Variants in PSMD11 observed in about 807,000 individuals in gnomAD.
PSMD11 encodes the protein proteasome 26S subunit, non-ATPase 11.
PSMD11 carries 5 observed loss-of-function variants against 62.3 expected under a neutral mutation model. The ratio of observed to expected loss-of-function variants is 0.08; its 90% confidence interval spans 0.04 to 0.17. The LOEUF is 0.17. PSMD11 is among the 10% of genes least tolerant of loss of function. PSMD11 has a pLI of 1.00. For synonymous variants in PSMD11, 191 were observed against 191.8 expected (o/e 1.00, Z 0.03); for missense variants, 310 against 512.9 (o/e 0.60, Z 3.82).
chr17:32,451,844 T>G (rs1410153619), intron 2 of PSMD11, among the ~76,000 whole-genome samples: 1 of 152,212 alleles, frequency 6.6e-6, no homozygotes, highest in Non-Finnish European at 1.5e-5. Flanking sequence ...GCTCAAGCAG[T>G]GCTCTTGCCT....
chr17:32,459,854 T>C (rs556630166), intron 3 of PSMD11, among the ~76,000 whole-genome samples: 1 of 152,264 alleles, frequency 6.6e-6, no homozygotes. Context: ...CTTGAACTTC[T>C]GACCTCAGGT....
At chr17:32,453,420 G>A (rs1020888937) in intron 2 of PSMD11, among the ~76,000 whole-genome samples, 54 of 152,294 alleles carry the variant, frequency 3.5e-4, no homozygotes, top group Non-Finnish European at 7.3e-4. Flanking sequence ...GCAGAATGGC[G>A]AAAAGTTTTA....
At chr17:32,451,229 G>GT (rs1347673808) in intron 2 of PSMD11, among the ~76,000 whole-genome samples, 1 of 152,124 alleles carries the variant, frequency 6.6e-6, no homozygotes, top group Non-Finnish European at 1.5e-5. Flanking sequence ...AGAAAATATT[G>GT]TAAGGCTAGC....
intron 2 of PSMD11, among the ~76,000 whole-genome samples, chr17:32,448,117 G>A (rs376359893): frequency 2.6e-5 from 4 of 152,052 alleles, no homozygotes; most frequent in South Asian, 2.1e-4. Context: ...CTGACCTCAT[G>A]GTCCACCCAC....
intron 3 of PSMD11, among the ~76,000 whole-genome samples, chr17:32,456,511 T>C (rs1416120566): frequency 1.3e-5 from 2 of 152,200 alleles, no homozygotes; most frequent in African/African-American, 2.4e-5. Flanking sequence ...TAGCTGGGAC[T>C]ACAAACATGC....
At chr17:32,461,202 C>A (rs762114748) in intron 3 of PSMD11, among the ~76,000 whole-genome samples, 1 of 151,914 alleles carries the variant, frequency 6.6e-6, no homozygotes, top group African/African-American at 2.4e-5. Context: ...CTCAGCCTCC[C>A]GAGTAGCTGG....
intron 9 of PSMD11, among the ~76,000 whole-genome samples, chr17:32,478,292 G>C (rs1171991962): frequency 2.0e-5 from 3 of 152,158 alleles, no homozygotes; most frequent in Admixed American, 2.0e-4. Context: ...AGACCATGTG[G>C]CTTTGACTGT....
intron 5 of PSMD11, among the ~76,000 whole-genome samples, chr17:32,467,999 C>T (rs1395412740): frequency 2.0e-5 from 3 of 152,126 alleles, no homozygotes; most frequent in Non-Finnish European, 4.4e-5. Context: ...TTCCCCTCCG[C>T]GTTCAGGTAT....
At chr17:32,460,349 C>T (rs1184782097) in intron 3 of PSMD11, among the ~76,000 whole-genome samples, 3 of 152,186 alleles carry the variant, frequency 2.0e-5, no homozygotes, top group Non-Finnish European at 4.4e-5. Flanking sequence ...ATGTGAGTCA[C>T]TGTGCCTGGT....
intron 5 of PSMD11, among the ~76,000 whole-genome samples, chr17:32,468,289 G>GT (rs1567856347): frequency 6.6e-6 from 1 of 152,012 alleles, no homozygotes; most frequent in East Asian, 1.9e-4. Context: ...TCTGTGGGTT[G>GT]TTTTTTTCCT....
intron 6 of PSMD11, among the ~76,000 whole-genome samples, chr17:32,471,390 A>G (rs1233058290): frequency 6.6e-6 from 1 of 152,232 alleles, no homozygotes; most frequent in African/African-American, 2.4e-5. Flanking sequence ...AATTAAGTTC[A>G]TGGATTTGGC....
In PSMD11 at chr17:32,481,987, GCTT is replaced by G. The variant is rs938016671; in HGVS notation, c.*1238_*1240del. 4 of 152,078 alleles carry G rather than the reference GCTT, an allele frequency of 2.6e-5. No individual in the cohort carries two copies. Among genetic ancestry groups the G allele is most frequent in the Admixed American group, 6.5e-5 (1 of 15,278 alleles). The allele number at this position is 152,078 out of a possible 1,614,324, so 9.4% of individuals were successfully genotyped here. Reference sequence around the variant, plus strand: ...GCTTTAATGCCATTTGGGTAGGTGAGCTTCTGCACTTCTGTTGTGCTGAACTGT... The same window carrying G: ...GCTTTAATGCCATTTGGGTAGGTGAGCTGCACTTCTGTTGTGCTGAACTGT... On this transcript the variant is annotated 3_prime_UTR_variant, in exon 14 of 14. Coordinates refer to ENST00000261712, the MANE Select transcript of PSMD11 (RefSeq NM_002815.4).
chr17:32,472,219 C>T (rs961771849), intron 6 of PSMD11, among the ~76,000 whole-genome samples: 25 of 150,546 alleles, frequency 1.7e-4, no homozygotes, highest in South Asian at 1.3e-3. Flanking sequence ...GTGGAGTTGA[C>T]GTAGAGTTTT....
chr17:32,465,831 A>G (rs1393186977), intron 5 of PSMD11, among the ~76,000 whole-genome samples: 2 of 152,046 alleles, frequency 1.3e-5, no homozygotes, highest in Non-Finnish European at 2.9e-5. Flanking sequence ...AAAAATTTGC[A>G]GGACATGGTG....
At position 32,450,422 on chromosome 17, in the gene PSMD11, AT is replaced by A. The variant is rs58292122; in HGVS notation, c.193+3395del. Reference sequence around the variant, plus strand: ...AGGCGTGAGCCACCATGCTCGGCTAATTTTTTTTTTTTTTTTTTTCTTTTAG... The same window carrying A: ...AGGCGTGAGCCACCATGCTCGGCTAATTTTTTTTTTTTTTTTTTCTTTTAG... On this transcript the variant is annotated intron_variant, in intron 2 of 13. Transcript: ENST00000261712. Among the ~76,000 whole-genome samples the A allele has an allele frequency of 8.9e-3, 1,158 of 129,518 alleles. 11 individuals carry two copies. The highest frequency in any genetic ancestry group is 0.026 in the African/African-American group (875 of 33,980). 85.0% of individuals were successfully genotyped at this position (129,518 alleles called of 152,430 possible).
At chr17:32,458,152 G>A (rs1170141856) in intron 3 of PSMD11, among the ~76,000 whole-genome samples, 1 of 151,766 alleles carries the variant, frequency 6.6e-6, no homozygotes, top group Non-Finnish European at 1.5e-5. Context: ...TTTTTTACTT[G>A]GACTACTGTA....
chr17:32,451,074 T>C (rs1455493579), intron 2 of PSMD11, among the ~76,000 whole-genome samples: 4 of 150,910 alleles, frequency 2.7e-5, no homozygotes, highest in African/African-American at 7.3e-5. Flanking sequence ...TGAGCCACAA[T>C]TGTGCCATTG....
chr17:32,448,834 T>C (rs1466579244), intron 2 of PSMD11, among the ~76,000 whole-genome samples: 1 of 152,258 alleles, frequency 6.6e-6, no homozygotes, highest in African/African-American at 2.4e-5. Context: ...GACCTAGGAT[T>C]TGAGCTCATG....
intron 6 of PSMD11, among the ~76,000 whole-genome samples, chr17:32,470,826 G>A (rs1481833207): frequency 6.6e-6 from 1 of 152,204 alleles, no homozygotes; most frequent in Non-Finnish European, 1.5e-5. Flanking sequence ...TTGTTGGGTT[G>A]TTGAAGGGGC....
Sources: allele counts gnomAD v4.1 joint callset (sites outside exome capture counted in the v4.1 genomes callset), GRCh38; gene constraint gnomAD v4.1.1; transcripts MANE v1.5; gene names NCBI Gene and HGNC (gene_info 2026-07-23, HGNC 2026-07-21).